Variants in TBC1D22A observed in about 807,000 individuals in gnomAD.
TBC1D22A encodes TBC1 domain family member 22A, also known as putative GTPase activator.
A neutral mutation model predicts 60.2 loss-of-function variants in TBC1D22A; 38 were observed. The observed-to-expected ratio is 0.63, with a 90% confidence interval of 0.49 to 0.83. The LOEUF is 0.83. TBC1D22A is among the 40% of genes least tolerant of loss of function. TBC1D22A has a pLI of 0.00. For synonymous variants in TBC1D22A, 302 were observed against 281.7 expected, an observed-to-expected ratio of 1.07 and a Z score of -0.72; for missense variants, 628 against 701.0, an observed-to-expected ratio of 0.90 and a Z score of 1.18.
chr22:46,924,358 A>G (rs759549033), intron 8 of TBC1D22A, among the ~76,000 whole-genome samples: 1 of 152,236 alleles, frequency 6.6e-6, no homozygotes, highest in Admixed American at 6.5e-5. Context: ...AGTATGTTTA[A>G]TATCTAATTG....
At chr22:47,131,959 C>G (rs1373058310) in intron 12 of TBC1D22A, among the ~76,000 whole-genome samples, 2 of 152,214 alleles carry the variant, frequency 1.3e-5, no homozygotes, top group African/African-American at 4.8e-5. Context: ...GTGCTGAAGG[C>G]CAGTTTAGAT....
chr22:47,122,753 C>T (rs774386315), intron 12 of TBC1D22A, among the ~76,000 whole-genome samples: 6 of 152,230 alleles, frequency 3.9e-5, no homozygotes, highest in Admixed American at 2.0e-4. Flanking sequence ...GGCTTCACTG[C>T]GCAGAAGCAG....
chr22:47,063,071 G>A (rs575192153), intron 11 of TBC1D22A, among the ~76,000 whole-genome samples: 14 of 152,240 alleles, frequency 9.2e-5, no homozygotes, highest in African/African-American at 3.4e-4. Context: ...GAAACAGGAT[G>A]GGCAGTTCTG....
At chr22:46,773,882 C>G (rs1382106359) in intron 1 of TBC1D22A, 1 of 965,576 alleles carries the variant, frequency 1.0e-6, no homozygotes, top group African/African-American at 1.8e-5. Flanking sequence ...GCTACGTGCT[C>G]AAAGCCACAC....
chr22:46,989,759 TCACA>T (rs35714390), intron 9 of TBC1D22A, among the ~76,000 whole-genome samples: 115 of 146,150 alleles, frequency 7.9e-4, no homozygotes, highest in African/African-American at 2.2e-3. Flanking sequence ...TGTGACAGAG[TCACA>T]CACACACACA....
chr22:46,886,918 C>T lies in TBC1D22A; in HGVS notation c.709-4348C>T, dbSNP rs59116078. Among the ~76,000 whole-genome samples, 1,106 of 152,272 alleles carry T rather than the reference C, an allele frequency of 7.3e-3. 14 individuals are homozygous for T. Among genetic ancestry groups the T allele is most frequent in the African/African-American group, 0.025 (1,025 of 41,548 alleles). On this transcript the variant is annotated intron_variant, in intron 5 of 12. Transcript: ENST00000337137. ...TTATTTACACAAATAGGTGGTGGGC[C>T]GTAGTTTGCTGATTCCTGTTGTAGA...
At chr22:47,130,922 G>C (rs1294111135) in intron 12 of TBC1D22A, among the ~76,000 whole-genome samples, 1 of 152,218 alleles carries the variant, frequency 6.6e-6, no homozygotes, top group African/African-American at 2.4e-5. Context: ...TCAGGGTTTA[G>C]CAGGCTGTAC....
chr22:47,088,932 C>G (rs1194595261), intron 11 of TBC1D22A, among the ~76,000 whole-genome samples: 2 of 152,136 alleles, frequency 1.3e-5, no homozygotes, highest in African/African-American at 4.8e-5. Flanking sequence ...GCCTTTAGAC[C>G]GCAGTCCTGC....
chr22:47,005,654 CCA>C (rs1171080303), intron 10 of TBC1D22A, among the ~76,000 whole-genome samples: 3 of 148,410 alleles, frequency 2.0e-5, no homozygotes, highest in South Asian at 2.2e-4. Flanking sequence ...ACACACACAC[CCA>C]CACACACACC....
intron 10 of TBC1D22A, among the ~76,000 whole-genome samples, chr22:47,036,346 G>A (rs2062657530): frequency 6.6e-6 from 1 of 152,184 alleles, no homozygotes; most frequent in South Asian, 2.1e-4. Context: ...TTGCCTCCAG[G>A]AGTGACACCG....
intron 8 of TBC1D22A, among the ~76,000 whole-genome samples, chr22:46,923,582 GTCCTTTGAGCC>G (rs2070879065): frequency 6.6e-6 from 1 of 152,270 alleles, no homozygotes; most frequent in Admixed American, 6.5e-5. Context: ...GTTCCAGCCC[GTCCTTTGAGCC>G]AGGGTGCGGG....
At position 46,797,555 on chromosome 22, in the gene TBC1D22A, G is replaced by A; in HGVS notation, c.572G>A (p.Ser191Asn). Residue 191 changes from serine (S) to asparagine (N), a missense_variant, in exon 4 of 13, where the codon AGC becomes AAC. Coordinates refer to ENST00000337137, the MANE Select transcript of TBC1D22A (RefSeq NM_014346.5). The part of the protein sequence containing the change: ...DPSTLSSSAL[S>N]EREASRLDKF... The stretch of plus-strand genomic sequence containing the variant: ...AGCACTCTCAGCAGCTCAGCGCTGA[G>A]CGAAAGAGAGGCCTCCCGGCTCGAC... The A allele has an allele frequency of 2.5e-6, 4 of 1,613,790 alleles. No individual in the cohort carries two copies. Among genetic ancestry groups the A allele is most frequent in the Non-Finnish European group, 3.4e-6 (4 of 1,179,820 alleles).
At chr22:47,117,198 GAA>G (rs2066097837) in intron 12 of TBC1D22A, 1 of 157,684 alleles carries the variant, frequency 6.3e-6, no homozygotes, top group African/African-American at 2.4e-5. Flanking sequence ...TGAGCAATAT[GAA>G]AAGACGAGCA....
chr22:47,017,185 A>C (rs562623726), intron 10 of TBC1D22A, among the ~76,000 whole-genome samples: 1 of 152,142 alleles, frequency 6.6e-6, no homozygotes, highest in Non-Finnish European at 1.5e-5. Flanking sequence ...GAGACCTTTT[A>C]AGGATTTTTT....
chr22:46,949,967 A>G (rs969708181), intron 8 of TBC1D22A, among the ~76,000 whole-genome samples: 9 of 152,190 alleles, frequency 5.9e-5, no homozygotes, highest in Admixed American at 1.3e-4. Context: ...AATGACCCCC[A>G]TGGGGCCTGG....
intron 11 of TBC1D22A, among the ~76,000 whole-genome samples, chr22:47,093,353 T>A (rs1415525927): frequency 1.3e-5 from 2 of 151,952 alleles, no homozygotes; most frequent in Non-Finnish European, 1.5e-5. Context: ...ATCAAGGTCA[T>A]TTTTTTTGAG....
intron 10 of TBC1D22A, among the ~76,000 whole-genome samples, chr22:47,024,704 T>C (rs972937885): frequency 1.3e-5 from 2 of 151,912 alleles, no homozygotes; most frequent in Admixed American, 1.3e-4. Flanking sequence ...AAAAATTAGC[T>C]GGGCATAGTG....
At chr22:46,780,439 TAA>T (rs111885928) in intron 1 of TBC1D22A, among the ~76,000 whole-genome samples, 2 of 145,322 alleles carry the variant, frequency 1.4e-5, no homozygotes, top group Admixed American at 6.9e-5. Context: ...AACCTTCAAT[TAA>T]AAAAAAAAAA....
intron 8 of TBC1D22A, chr22:46,913,559 T>A: frequency 8.3e-7 from 1 of 1,203,558 alleles, no homozygotes; most frequent in Non-Finnish European, 1.1e-6. Context: ...TCCCTAATCA[T>A]CTCTTAAGTA....
Sources: gnomAD v4.1 joint callset for allele counts (sites outside exome capture counted in the v4.1 genomes callset) on GRCh38, gnomAD v4.1.1 for gene constraint, MANE v1.5 for transcripts, NCBI Gene and HGNC (gene_info 2026-07-23, HGNC 2026-07-21) for gene names.